ABCA5: variants seen among roughly 807,000 people sequenced by gnomAD.
ABCA5 encodes cholesterol transporter ABCA5.
Under a neutral mutation model 206.0 loss-of-function variants are expected in ABCA5, and 163 were observed. The ratio of observed to expected loss-of-function variants is 0.79; its 90% CI spans 0.70 to 0.90. The LOEUF is 0.90. ABCA5 is among the 40% of genes least tolerant of loss of function. The pLI is 0.00. For synonymous variants in ABCA5, 609 were observed against 613.8 expected (o/e 0.99, Z 0.11); for missense variants, 1,859 against 1,912.9 (o/e 0.97, Z 0.53).
chr17:69,293,164 T>TACACACAC lies in ABCA5; in HGVS notation c.1495+1483_1495+1490dup, dbSNP rs141471808. On this transcript the variant is annotated intron_variant, in intron 11 of 38. Coordinates refer to ENST00000392676, the MANE Select transcript of ABCA5 (RefSeq NM_172232.4). ...CAGTCAGTCTCCAGAACCAACAGAA[T>TACACACAC]ACACACACACACACACACAATGGAG... is the stretch of plus-strand genomic sequence containing the variant. Among the ~76,000 whole-genome samples, 1,142 of 149,968 alleles carry TACACACAC rather than the reference T, an allele frequency of 7.6e-3. 13 individuals carry two copies. Among genetic ancestry groups the TACACACAC allele is most frequent in the Middle Eastern group, 0.032 (9 of 282 alleles).
chr17:69,304,766 G>C lies in ABCA5; in HGVS notation c.833C>G (p.Ser278Cys), dbSNP rs2075699435. The C allele has an allele frequency of 5.0e-6, 8 of 1,607,322 alleles. No homozygotes were observed. The highest frequency in any genetic ancestry group is 6.8e-6 in the Non-Finnish European group (8 of 1,176,530). The change falls in exon 7 of 39, where the codon TCC (serine) becomes TGC (cysteine). Residue 278 changes from serine to cysteine, a missense_variant. Coordinates refer to ENST00000392676, the MANE Select transcript of ABCA5 (RefSeq NM_172232.4). ...TGTCGCAATGACTGCCATAAGAAGG[G>C]ACATAAGAAAAATTAAACTTGTATA... ...LLYTSLIFLM[S>C]LLMAVIATAS...
At chr17:69,293,067 C>T (rs1393555333) in intron 11 of ABCA5, among the ~76,000 whole-genome samples, 1 of 152,240 alleles carries the variant, frequency 6.6e-6, no homozygotes, top group South Asian at 2.1e-4. Context: ...TTGGTAAAGA[C>T]TGGAGACATT....
rs760048495 is a variant in ABCA5 at position 69,260,380 on chromosome 17, G to A, written c.3597C>T (p.Asp1199=). 1 of 1,608,336 alleles carries A rather than the reference G, an allele frequency of 6.2e-7. No homozygotes were observed. The highest frequency in any genetic ancestry group is 8.5e-7 in the Non-Finnish European group (1 of 1,176,512). Residue 1199 remains aspartate (D), a synonymous_variant, in exon 27 of 39, where the codon GAC becomes GAT. Coordinates refer to ENST00000392676, the MANE Select transcript of ABCA5 (RefSeq NM_172232.4). Reference sequence around the variant, plus strand: ...AAAGCCTATCCCATGGATTATAGGTGTCCACATTTTTTCGTACATTCTTCC... The same window carrying A: ...AAAGCCTATCCCATGGATTATAGGTATCCACATTTTTTCGTACATTCTTCC... The part of the protein sequence containing the change: ...ISWKNVRKNV[D]TYNPWDRLSV...
Position 69,306,947 on chromosome 17 carries a change from G to C in ABCA5, c.566C>G (p.Thr189Ser). Residue 189 changes from threonine to serine, a missense_variant, in exon 6 of 39, where the codon ACC becomes AGC. By Grantham distance (58) the Thr-to-Ser change is moderately conservative (BLOSUM62 1). Transcript: ENST00000392676. ...SIDAAIIQLK[T>S]NVSLWKELES... ...CAGCTCCTTCCAAAGAGAAACATTG[G>C]TCTTCAACTATAATTAGAAAATGTA... The C allele has an allele frequency of 6.5e-7, 1 of 1,530,860 alleles. No individual in the cohort carries two copies. The highest frequency in any genetic ancestry group is 8.8e-7 in the Non-Finnish European group (1 of 1,142,582). The allele number at this position is 1,530,860 out of a possible 1,614,324, so 94.8% of individuals were successfully genotyped here. A position where few individuals can be genotyped will look rare whatever the true frequency, so the allele number is the denominator to read the frequency against.
chr17:69,299,457 C>CACACACACACAT (rs1184553163), intron 9 of ABCA5, among the ~76,000 whole-genome samples: 23 of 135,926 alleles, frequency 1.7e-4, no homozygotes, highest in Non-Finnish European at 1.1e-4. Context: ...AAATGTGATA[C>CACACACACACAT]ACACACACAC....
Position 69,254,494 on chromosome 17 carries a change from T to C in ABCA5, c.4069-4A>G. On this transcript the variant is annotated splice_polypyrimidine_tract_variant and splice_region_variant and intron_variant, in intron 31 of 38. Transcript: ENST00000392676. The stretch of plus-strand genomic sequence containing the variant: ...AAGAATAATCTCCTAAAAATACCTA[T>C]AGAAACACAAACCAATTTTTATTAT... 1.2e-6 allele frequency: 2 copies of C among 1,606,500 alleles called. No individual in the cohort carries two copies. The highest frequency in any genetic ancestry group is 1.7e-6 in the Non-Finnish European group (2 of 1,177,300).
intron 34 of ABCA5, among the ~76,000 whole-genome samples, chr17:69,252,667 C>G (rs187784728): frequency 1.3e-5 from 2 of 152,018 alleles, no homozygotes; most frequent in Admixed American, 1.3e-4. Context: ...GAAACCCTGT[C>G]TCTACCAAAA....
At chr17:69,259,648 G>T (rs2075123525) in intron 28 of ABCA5, 58 bp downstream of exon 28, 2 of 1,185,386 alleles carry the variant, frequency 1.7e-6, no homozygotes, top group Non-Finnish European at 2.4e-6. Context: ...TATGGTAATG[G>T]TTACACAGTT....
intron 23 of ABCA5, among the ~76,000 whole-genome samples, chr17:69,265,312 G>C (rs1260195361): frequency 6.6e-6 from 1 of 152,066 alleles, no homozygotes; most frequent in Non-Finnish European, 1.5e-5. Flanking sequence ...TTTTAAAAAT[G>C]AACCTTTCAT....
At chr17:69,318,750 TCCC>T in intron 1 of ABCA5, 1 of 649,066 alleles carries the variant, frequency 1.5e-6, no homozygotes, top group Admixed American at 1.9e-5. Context: ...AAGCTTACAC[TCCC>T]GAGTTGAAAA....
At chr17:69,259,567 G>A (rs1407257490) in intron 28 of ABCA5, 139 bp downstream of exon 28, 5 of 517,530 alleles carry the variant, frequency 9.7e-6, no homozygotes, top group Non-Finnish European at 3.4e-6. Flanking sequence ...TATGGGAATA[G>A]GGATAAGAAA....
Position 69,249,679 on chromosome 17 carries a change from G to T in ABCA5, c.4765+226C>A, listed in dbSNP as rs1039207605. On this transcript the variant is annotated intron_variant, in intron 37 of 38. Transcript: ENST00000392676. ...CCCTATGACATTAGTGTTTACCTGT[G>T]TCTTAGATTAAATGAATAAAAGGTT... 3.2e-5 allele frequency: 16 copies of T among 501,472 alleles called. No individual in the cohort carries two copies. In the South Asian group the frequency reaches 7.7e-4, roughly 24 times the overall value. 31.1% of individuals were successfully genotyped at this position (501,472 alleles called of 1,614,324 possible).
chr17:69,278,274 T>C (rs2075355283), intron 18 of ABCA5, among the ~76,000 whole-genome samples: 1 of 152,228 alleles, frequency 6.6e-6, no homozygotes, highest in South Asian at 2.1e-4. Flanking sequence ...TCAAACTGGA[T>C]ACATATCCAT....
intron 2 of ABCA5, among the ~76,000 whole-genome samples, chr17:69,313,603 A>T (rs980237754): frequency 3.3e-5 from 5 of 152,160 alleles, no homozygotes; most frequent in African/African-American, 2.4e-5. Context: ...ATAAAACATA[A>T]TAAATTTACT....
At chr17:69,249,525 G>T (rs564267027) in intron 37 of ABCA5, 18 of 188,918 alleles carry the variant, frequency 9.5e-5, no homozygotes, top group African/African-American at 3.7e-4. Context: ...CAGAGCTCTT[G>T]CTGCTGGACT....
chr17:69,256,955 G>A (rs1232435348), intron 28 of ABCA5, among the ~76,000 whole-genome samples: 1 of 152,030 alleles, frequency 6.6e-6, no homozygotes, highest in East Asian at 1.9e-4. Context: ...GATGTAGAGG[G>A]TTGACATCAG....
intron 9 of ABCA5, among the ~76,000 whole-genome samples, chr17:69,300,251 C>T (rs1224769166): frequency 4.6e-5 from 7 of 152,208 alleles, no homozygotes; most frequent in African/African-American, 1.2e-4. Context: ...ATGCGCGGTT[C>T]GCAATAGGGT....
intron 10 of ABCA5, among the ~76,000 whole-genome samples, chr17:69,296,500 A>C (rs1009715773): frequency 6.6e-6 from 1 of 152,332 alleles, no homozygotes; most frequent in Middle Eastern, 3.4e-3. Flanking sequence ...AAACCCTAAA[A>C]ATCTATGAAA....
chr17:69,253,750 T>C lies in ABCA5; in HGVS notation c.4320+44A>G, dbSNP rs377065403. 155 of 1,582,798 alleles carry C rather than the reference T, an allele frequency of 9.8e-5. No homozygotes were observed. In the African/African-American group the frequency reaches 2.0e-3, roughly 20 times the overall value. On this transcript the variant is annotated intron_variant, in intron 33 of 38. Transcript: ENST00000392676. Reference sequence around the variant, plus strand: ...ATCAAGACAATATCAGGTACTAAACTATCAATAAAAATACAGGCATTATTT... The same window carrying C: ...ATCAAGACAATATCAGGTACTAAACCATCAATAAAAATACAGGCATTATTT...
Sources: allele counts gnomAD v4.1 joint callset (sites outside exome capture counted in the v4.1 genomes callset), GRCh38; gene constraint gnomAD v4.1.1; transcripts MANE v1.5; gene names NCBI Gene and HGNC (gene_info 2026-07-23, HGNC 2026-07-21).